The following AFDN variants were observed in gnomAD, a reference collection of about 807,000 sequenced individuals.
AFDN encodes afadin, adherens junction formation factor.
In AFDN, 68 loss-of-function variants were observed where a neutral mutation model predicts 216.6. The observed-to-expected ratio is 0.31, with a 90% confidence interval of 0.26 to 0.38. AFDN has a LOEUF of 0.38. AFDN is among the 10% of genes least tolerant of loss of function. The pLI is 1.00. For synonymous variants in AFDN, 868 were observed against 853.7 expected (o/e 1.02, Z -0.29); for missense variants, 2,136 against 2,342.0 (o/e 0.91, Z 1.82).
intron 8 of AFDN, among the ~76,000 whole-genome samples, chr6:167,891,949 G>A (rs1037611622): frequency 3.3e-5 from 5 of 152,142 alleles, no homozygotes; most frequent in Non-Finnish European, 7.4e-5. Flanking sequence ...CTCCATGAAT[G>A]TGAATTACAT....
At chr6:167,857,028 G>A (rs1782976168) in intron 1 of AFDN, among the ~76,000 whole-genome samples, 1 of 152,028 alleles carries the variant, frequency 6.6e-6, no homozygotes. Context: ...AAGTTTAAAA[G>A]CAATGTTAAC....
In AFDN at chr6:167,902,346, G is replaced by T; in HGVS notation, c.1610G>T (p.Gly537Val). The T allele has an allele frequency of 1.9e-6, 3 of 1,612,954 alleles. No homozygotes were observed. Among genetic ancestry groups the T allele is most frequent in the Non-Finnish European group, 2.5e-6 (3 of 1,179,228 alleles). Residue 537 changes from glycine (G) to valine (V), a missense_variant, in exon 12 of 34, where the codon GGA (glycine) becomes GTA (valine). Transcript: ENST00000683244. ...GTTCAGGAGACAACTTTTGATTTGGGAGGAGATATTCATAGTGGGACAGCA... is the reference window on the plus strand; with the variant it reads ...GTTCAGGAGACAACTTTTGATTTGGTAGGAGATATTCATAGTGGGACAGCA... ...GIVQETTFDLGGDIHSGTALP... is the reference protein window; with the variant it reads ...GIVQETTFDLVGDIHSGTALP...
chr6:167,882,946 C>T (rs1786321561), intron 6 of AFDN, among the ~76,000 whole-genome samples: 1 of 151,976 alleles, frequency 6.6e-6, no homozygotes, highest in South Asian at 2.1e-4. Context: ...ATGCCGTGTA[C>T]TTTCAAATGC....
At chr6:167,835,992 G>A (rs929574570) in intron 1 of AFDN, among the ~76,000 whole-genome samples, 2 of 152,092 alleles carry the variant, frequency 1.3e-5, no homozygotes, top group African/African-American at 4.8e-5. Context: ...TCATTATTAT[G>A]GAAGTATACA....
chr6:167,901,319 G>A (rs1314705214), intron 11 of AFDN, among the ~76,000 whole-genome samples: 1 of 151,986 alleles, frequency 6.6e-6, no homozygotes. Context: ...TTGTGGAGGT[G>A]GGGAGGGCAC....
intron 1 of AFDN, among the ~76,000 whole-genome samples, chr6:167,828,976 A>G (rs1359938981): frequency 6.6e-6 from 1 of 152,098 alleles, no homozygotes; most frequent in Non-Finnish European, 1.5e-5. Flanking sequence ...TGATATGACT[A>G]GTTTTTAAAA....
chr6:167,955,402 A>ATT (rs560562189), intron 30 of AFDN, among the ~76,000 whole-genome samples: 2 of 146,372 alleles, frequency 1.4e-5, no homozygotes, highest in Non-Finnish European at 3.0e-5. Flanking sequence ...TGAGCTTTGC[A>ATT]TTTTTTTTTT....
intron 6 of AFDN, among the ~76,000 whole-genome samples, chr6:167,886,059 A>G (rs1189908181): frequency 6.6e-6 from 1 of 152,250 alleles, no homozygotes; most frequent in African/African-American, 2.4e-5. Flanking sequence ...ATAATTATTG[A>G]AAGTATGGTC....
At chr6:167,876,688 G>C (rs559316316) in intron 5 of AFDN, among the ~76,000 whole-genome samples, 209 of 152,264 alleles carry the variant, frequency 1.4e-3, no homozygotes, top group Non-Finnish European at 2.2e-3. Context: ...AGCTAGCTTA[G>C]AGTATCAATT....
At chr6:167,907,382 C>A in intron 13 of AFDN, 93 bp downstream of exon 13, 1 of 964,828 alleles carries the variant, frequency 1.0e-6, no homozygotes, top group Non-Finnish European at 1.6e-6. Flanking sequence ...AAAGGTTCAG[C>A]TGACATGTTT....
chr6:167,874,043 A>C (rs1785071392), intron 4 of AFDN, among the ~76,000 whole-genome samples: 1 of 152,222 alleles, frequency 6.6e-6, no homozygotes, highest in South Asian at 2.1e-4. Context: ...AAGAGAAAAA[A>C]ATGTACAAAG....
intron 12 of AFDN, among the ~76,000 whole-genome samples, chr6:167,904,537 G>A (rs1326713868): frequency 2.6e-5 from 4 of 151,788 alleles, no homozygotes; most frequent in Non-Finnish European, 5.9e-5. Context: ...AGGTTTACTT[G>A]ACATATCCAC....
chr6:167,846,237 A>G (rs1400408448), intron 1 of AFDN, among the ~76,000 whole-genome samples: 4 of 151,982 alleles, frequency 2.6e-5, no homozygotes, highest in Admixed American at 6.6e-5. Flanking sequence ...GTTCAAATTT[A>G]TTAAACTCTC....
At chr6:167,937,744 G>A (rs1794186449) in intron 23 of AFDN, among the ~76,000 whole-genome samples, 1 of 152,172 alleles carries the variant, frequency 6.6e-6, no homozygotes, top group Admixed American at 6.5e-5. Context: ...GGGCACATTG[G>A]GTGCCAGAGC....
Position 167,951,522 on chromosome 6 carries a change from T to C in AFDN, c.4168T>C (p.Ser1390Pro). 6.2e-7 allele frequency: 1 copy of C among 1,613,890 alleles called. No homozygotes were observed. The highest frequency in any genetic ancestry group is 8.5e-7 in the Non-Finnish European group (1 of 1,179,936). The change falls in exon 30 of 34, where the codon TCC (serine) becomes CCC (proline). Residue 1390 changes from serine (S) to proline (P), a missense_variant. Coordinates refer to ENST00000683244, the MANE Select transcript of AFDN (RefSeq NM_001386888.1). This position sits in a 1 kb window ranked among gnomAD's most constrained non-coding sequence, Gnocchi z 7.1. Reference sequence around the variant, plus strand: ...CTATGCCGGTGATTTCGATGGAATGTCCATGGATTTGCCTCTCCCACCACC... The same window carrying C: ...CTATGCCGGTGATTTCGATGGAATGCCCATGGATTTGCCTCTCCCACCACC... ...VHYAGDFDGM[S>P]MDLPLPPPPS...
Position 167,955,606 on chromosome 6 carries a change from G to A in AFDN, c.4833+3419G>A, listed in dbSNP as rs551386300. Among the ~76,000 whole-genome samples the A allele has an allele frequency of 1.0e-3, 155 of 152,220 alleles. 1 individual carries two copies. Among genetic ancestry groups the A allele is most frequent in the Non-Finnish European group, 3.4e-4 (23 of 68,034 alleles). ...CATTGAAGATACCAGCCAGCTCTCA[G>A]GCCCAAAGAGAGTTTCTTATACTAT... On this transcript the variant is annotated intron_variant, in intron 30 of 33. Transcript: ENST00000683244.
intron 3 of AFDN, among the ~76,000 whole-genome samples, chr6:167,871,589 T>G (rs75681572): frequency 1.3e-5 from 2 of 152,216 alleles, no homozygotes; most frequent in East Asian, 3.8e-4. Flanking sequence ...TCTGTAAAAA[T>G]AATGCATCTC....
rs760511335 is a variant in AFDN at position 167,962,530 on chromosome 6, A to C, written c.4931A>C (p.Gln1644Pro). Residue 1644 changes from glutamine (Q) to proline (P), a missense_variant, in exon 31 of 34, where the codon CAG (glutamine) becomes CCG (proline). Gln to Pro is a moderately conservative substitution (Grantham distance 76). Around this residue, in one of 8 missense-constraint regions of AFDN, gnomAD observed 981 missense variants for 966.0 expected, o/e 1.02. Coordinates refer to ENST00000683244, the MANE Select transcript of AFDN (RefSeq NM_001386888.1). This position sits in a 1 kb window ranked among gnomAD's most constrained non-coding sequence, Gnocchi z 5.2. ...RARQEEERRR[Q>P]EEERTKRDAE... Reference sequence around the variant, plus strand: ...AGGCAAGAGGAAGAGCGCCGGCGGCAGGAGGAGGAGCGAACAAAACGAGAC... The same window carrying C: ...AGGCAAGAGGAAGAGCGCCGGCGGCCGGAGGAGGAGCGAACAAAACGAGAC... 5 of 1,613,874 alleles carry C rather than the reference A, an allele frequency of 3.1e-6. No individual in the cohort carries two copies. The South Asian group carries it at 5.5e-5, about 18-fold the overall frequency.
chr6:167,950,583 A>G (rs1445729568), intron 29 of AFDN, among the ~76,000 whole-genome samples: 2 of 152,250 alleles, frequency 1.3e-5, no homozygotes, highest in Non-Finnish European at 2.9e-5. Context: ...CTGTCAGCCC[A>G]GAAAGCCAGT....
Sources: gnomAD v4.1 joint callset for allele counts (sites outside exome capture counted in the v4.1 genomes callset) on GRCh38, gnomAD v4.1.1 for gene constraint, gnomAD v4.1.1 regional missense constraint, Gnocchi (gnomAD v3.1) non-coding constraint, MANE v1.5 for transcripts, NCBI Gene and HGNC (gene_info 2026-07-23, HGNC 2026-07-21) for gene names.